SNTG2: variants seen among roughly 807,000 people sequenced by gnomAD.
SNTG2 encodes the protein syntrophin gamma 2.
SNTG2 carries 74 observed loss-of-function variants against 70.9 expected under a neutral mutation model. The observed-to-expected ratio is 1.04, with a 90% CI of 0.86 to 1.27. The LOEUF (loss-of-function observed/expected upper bound fraction) is 1.27, where lower values mean the gene tolerates loss of function less well. Ranked by LOEUF, SNTG2 falls within the 50% of genes most tolerant of loss-of-function variation. The pLI, the probability that SNTG2 is intolerant of heterozygous loss-of-function variation, is 0.00. For synonymous variants in SNTG2, 278 were observed against 273.8 expected (o/e 1.02, Z -0.15); for missense variants, 717 against 690.7 (o/e 1.04, Z -0.43).
rs114991956 is a variant in SNTG2 at position 959,649 on chromosome 2, C to T, written c.72+8581C>T. 5.0e-3 allele frequency among the ~76,000 whole-genome samples: 746 copies of T among 150,398 alleles called. 6 individuals carry two copies. Among genetic ancestry groups the T allele is most frequent in the African/African-American group, 0.015 (623 of 40,844 alleles). On this transcript the variant is annotated intron_variant, in intron 1 of 16. Coordinates refer to ENST00000308624, the MANE Select transcript of SNTG2 (RefSeq NM_018968.4). ...CCTTGGGCTGAATGGAGAAGGTGAA[C>T]GGAGCAGACCAGTGTCACAGAATTG...
At chr2:1,165,077 A>T (rs1670618593) in intron 6 of SNTG2, among the ~76,000 whole-genome samples, 1 of 152,232 alleles carries the variant, frequency 6.6e-6, no homozygotes, top group African/African-American at 2.4e-5. Context: ...CACAGAGCTA[A>T]GTTCCATCCT....
intron 7 of SNTG2, among the ~76,000 whole-genome samples, chr2:1,167,355 C>T (rs533423365): frequency 2.7e-5 from 4 of 149,498 alleles, no homozygotes; most frequent in Non-Finnish European, 5.9e-5. Context: ...AGAACTGAAG[C>T]CTACAGGCCG....
chr2:1,021,800 A>G (rs1660192299), intron 1 of SNTG2, among the ~76,000 whole-genome samples: 1 of 151,810 alleles, frequency 6.6e-6, no homozygotes, highest in Admixed American at 6.6e-5. Flanking sequence ...TAATTTTTGT[A>G]AAGATGGGGG....
At chr2:1,361,791 A>G (rs201315048) in intron 16 of SNTG2, among the ~76,000 whole-genome samples, 4 of 120,858 alleles carry the variant, frequency 3.3e-5, no homozygotes, top group Admixed American at 8.4e-5. Context: ...ACTTCCATGA[A>G]GGTCACCGAT....
intron 16 of SNTG2, among the ~76,000 whole-genome samples, chr2:1,366,683 A>G (rs67439968): frequency 6.6e-6 from 1 of 151,920 alleles, no homozygotes; most frequent in Admixed American, 6.6e-5. Flanking sequence ...CGTGCTGTGC[A>G]CACTGCCTAT....
chr2:1,221,339 T>TA (rs1674776496), intron 9 of SNTG2, among the ~76,000 whole-genome samples: 18 of 10,282 alleles, frequency 1.8e-3, no homozygotes, highest in Admixed American at 3.4e-3. Flanking sequence ...GTCTCTCTGT[T>TA]GCTGTCTCTG....
At chr2:1,228,744 T>G (rs1675975127) in intron 9 of SNTG2, among the ~76,000 whole-genome samples, 1 of 152,212 alleles carries the variant, frequency 6.6e-6, no homozygotes, top group South Asian at 2.1e-4. Context: ...GGCTACTGTG[T>G]CCAGAATTGG....
At chr2:1,173,345 T>C (rs1481456997) in intron 8 of SNTG2, among the ~76,000 whole-genome samples, 162 bp downstream of exon 8, 3 of 152,196 alleles carry the variant, frequency 2.0e-5, no homozygotes, top group South Asian at 2.1e-4. Context: ...GCTGTTCTGT[T>C]GACATTTACT....
At chr2:1,232,490 G>A (rs1371437334) in intron 9 of SNTG2, among the ~76,000 whole-genome samples, 1 of 151,992 alleles carries the variant, frequency 6.6e-6, no homozygotes, top group Non-Finnish European at 1.5e-5. Flanking sequence ...TAGAGACGGG[G>A]TTTCACCATG....
chr2:960,751 G>A (rs1322022366), intron 1 of SNTG2, among the ~76,000 whole-genome samples: 2 of 147,864 alleles, frequency 1.4e-5, no homozygotes, highest in Non-Finnish European at 3.0e-5. Flanking sequence ...GGAGCACGGT[G>A]AGCTCTGAGG....
chr2:978,488 G>T (rs979331094), intron 1 of SNTG2, among the ~76,000 whole-genome samples: 1 of 151,988 alleles, frequency 6.6e-6, no homozygotes, highest in Non-Finnish European at 1.5e-5. Flanking sequence ...AATTTTGGGG[G>T]ATGCCATAAA....
At chr2:1,284,343 C>T (rs555353068) in intron 14 of SNTG2, among the ~76,000 whole-genome samples, 1 of 152,254 alleles carries the variant, frequency 6.6e-6, no homozygotes, top group African/African-American at 2.4e-5. Context: ...CAGATTCTGG[C>T]GGGTGCTGAT....
rs148839767 is a variant in SNTG2, at chr2:1,308,928, C to T, written c.1377+342C>T. Reference sequence around the variant, plus strand: ...CCTTCCATCTGAACATTCGTGGTAGCGGTGAACAGTGCCTGTGCCTGGGGG... The same window carrying T: ...CCTTCCATCTGAACATTCGTGGTAGTGGTGAACAGTGCCTGTGCCTGGGGG... On this transcript the variant is annotated intron_variant, in intron 15 of 16. Transcript: ENST00000308624. Among the ~76,000 whole-genome samples the T allele has an allele frequency of 2.6e-3, 390 of 152,204 alleles. 1 individual carries two copies. The highest frequency in any genetic ancestry group is 9.0e-3 in the African/African-American group (374 of 41,522).
In SNTG2 at chr2:1,259,360, T is replaced by A; in HGVS notation, c.1006-10T>A. 6.2e-7 allele frequency: 1 copy of A among 1,613,692 alleles called. No individual in the cohort carries two copies. Among genetic ancestry groups the A allele is most frequent in the Non-Finnish European group, 8.5e-7 (1 of 1,179,744 alleles). On this transcript the variant is annotated splice_polypyrimidine_tract_variant and intron_variant, in intron 12 of 16. Transcript: ENST00000308624. ...GCTGCTTTTCATGGAACGTTCTCTG[T>A]TTCTTGCAGGTGAGCACATTCGATT...
At chr2:1,196,834 A>G (rs1409279686) in intron 8 of SNTG2, among the ~76,000 whole-genome samples, 2 of 152,302 alleles carry the variant, frequency 1.3e-5, no homozygotes, top group Non-Finnish European at 2.9e-5. Context: ...AAGCAAAAAC[A>G]TAAAATTAGT....
intron 16 of SNTG2, among the ~76,000 whole-genome samples, chr2:1,363,256 G>A (rs1026452002): frequency 1.3e-5 from 2 of 152,076 alleles, no homozygotes; most frequent in African/African-American, 4.8e-5. Context: ...CTTCTATGAG[G>A]ACACAAGCTC....
intron 1 of SNTG2, among the ~76,000 whole-genome samples, chr2:1,079,458 CTT>C (rs933427443): frequency 7.0e-6 from 1 of 141,906 alleles, no homozygotes; most frequent in African/African-American, 2.7e-5. Context: ...GTGTTCCTGA[CTT>C]TAGTTTTTTA....
chr2:1,122,293 G>T (rs1191496985), intron 4 of SNTG2, among the ~76,000 whole-genome samples: 1 of 152,004 alleles, frequency 6.6e-6, no homozygotes, highest in Non-Finnish European at 1.5e-5. Context: ...GCTGAACAAA[G>T]ATGTCACTAA....
rs376486750 is a variant in SNTG2 at position 1,229,597 on chromosome 2, C to T, written c.720-8291C>T. On this transcript the variant is annotated intron_variant, in intron 9 of 16. Transcript: ENST00000308624. ...GCCTGCCAGTCCCGCGCCGTGCGCT[C>T]GCATTCCTCAGCCCTTGGGTGGTCG... 3.2e-4 allele frequency among the ~76,000 whole-genome samples: 48 copies of T among 152,324 alleles called. No homozygotes were observed. The East Asian group carries it at 7.5e-3, about 24-fold the overall frequency.
Sources: gnomAD v4.1 joint callset for allele counts (sites outside exome capture counted in the v4.1 genomes callset) on GRCh38, gnomAD v4.1.1 for gene constraint, MANE v1.5 for transcripts, NCBI Gene and HGNC (gene_info 2026-07-23, HGNC 2026-07-21) for gene names.